The following SMCHD1 variants were observed in gnomAD, a reference collection of about 807,000 sequenced individuals.
SMCHD1 encodes the protein structural maintenance of chromosomes flexible hinge domain containing 1, also known as structural maintenance of chromosomes flexible hinge domain-containing protein 1.
A neutral mutation model predicts 254.7 loss-of-function variants in SMCHD1; 78 were observed. That is an observed-to-expected ratio of 0.31 (90% CI 0.26 to 0.37). The LOEUF (loss-of-function observed/expected upper bound fraction) is 0.37. Ranked by LOEUF, SMCHD1 falls within the 10% of genes least tolerant of loss-of-function variation. The pLI is 1.00. For synonymous variants in SMCHD1, 766 were observed against 794.9 expected, an observed-to-expected ratio of 0.96 and a Z score of 0.61; for missense variants, 1,840 against 2,408.1, an observed-to-expected ratio of 0.76 and a Z score of 4.94.
At chr18:2,740,919 T>C in intron 28 of SMCHD1, 98 bp downstream of exon 28, 1 of 679,716 alleles carries the variant, frequency 1.5e-6, no homozygotes, top group East Asian at 2.8e-5. Context: ...AAGTTTGATT[T>C]TAGTTTTTAA....
chr18:2,802,781 C>T lies in SMCHD1; in HGVS notation c.*229C>T. 1 of 416,604 alleles carries T rather than the reference C, an allele frequency of 2.4e-6. No individual in the cohort carries two copies. Among genetic ancestry groups the T allele is most frequent in the Non-Finnish European group, 4.3e-6 (1 of 233,640 alleles). The allele number at this position is 416,604 out of a possible 1,614,324, so 25.8% of individuals were successfully genotyped here. A position where few individuals can be genotyped will look rare whatever the true frequency, so the allele number is the denominator to read the frequency against. ...TACTGGAATTATTCCAGACATTATG[C>T]CCTTTGGTTGTCACTACCTTGCAAA... is the stretch of plus-strand genomic sequence containing the variant. On this transcript the variant is annotated 3_prime_UTR_variant, in exon 48 of 48. Transcript: ENST00000320876.
intron 1 of SMCHD1, among the ~76,000 whole-genome samples, chr18:2,656,902 G>A (rs2073083791): frequency 6.6e-6 from 1 of 152,196 alleles, no homozygotes; most frequent in South Asian, 2.1e-4. Flanking sequence ...TCCAAACCAA[G>A]TCAAAGGTTG....
intron 17 of SMCHD1, among the ~76,000 whole-genome samples, chr18:2,714,256 GTTGA>G (rs1455189201): frequency 6.6e-6 from 1 of 151,914 alleles, no homozygotes; most frequent in African/African-American, 2.4e-5. Flanking sequence ...TTTAACTGTT[GTTGA>G]TTTATAGTCT....
chr18:2,694,358 G>A (rs1402877341), intron 7 of SMCHD1, among the ~76,000 whole-genome samples, 169 bp from the exon 8 acceptor site: 1 of 152,202 alleles, frequency 6.6e-6, no homozygotes, highest in Non-Finnish European at 1.5e-5. Context: ...TCTTCACAGT[G>A]TTGTCACATA....
intron 44 of SMCHD1, 38 bp downstream of exon 44, chr18:2,778,277 G>C: frequency 7.2e-7 from 1 of 1,390,358 alleles, no homozygotes; most frequent in South Asian, 1.2e-5. Flanking sequence ...GTAGACTTCA[G>C]TTTTAATGTG....
At chr18:2,708,866 TCATATATATATATA>T (rs1455054706) in intron 17 of SMCHD1, among the ~76,000 whole-genome samples, 2 of 18,106 alleles carry the variant, frequency 1.1e-4, no homozygotes, top group African/African-American at 5.5e-4. Flanking sequence ...TTCAATAACT[TCATATATATATATA>T]TATATATATA....
intron 1 of SMCHD1, among the ~76,000 whole-genome samples, chr18:2,656,989 A>G (rs1348204142): frequency 6.6e-6 from 1 of 152,188 alleles, no homozygotes; most frequent in Non-Finnish European, 1.5e-5. Context: ...CGTGGAGGGA[A>G]ATCCGCTTTA....
rs1228415644 is a variant in SMCHD1, at chr18:2,656,092, G to T, written c.17G>T (p.Gly6Val). 5 of 1,406,240 alleles carry T rather than the reference G, an allele frequency of 3.6e-6. No homozygotes were observed. Among genetic ancestry groups the T allele is most frequent in the Non-Finnish European group, 4.6e-6 (5 of 1,077,816 alleles). 87.1% of individuals were successfully genotyped at this position (1,406,240 alleles called of 1,614,324 possible). A position where few individuals can be genotyped will look rare whatever the true frequency, so the allele number is the denominator to read the frequency against. Reference sequence around the variant, plus strand: ...TTCCCCAATATGGCAGCGGCGGACGGCGGCGGGCCTGGTGGGGCCTCTGTG... The same window carrying T: ...TTCCCCAATATGGCAGCGGCGGACGTCGGCGGGCCTGGTGGGGCCTCTGTG... MAAADGGGPGGASVGT... is the reference protein window; with the variant it reads MAAADVGGPGGASVGT... The change falls in exon 1 of 48, where the codon GGC becomes GTC. Residue 6 changes from glycine (G) to valine (V), a missense_variant. Transcript: ENST00000320876.
In SMCHD1 at chr18:2,765,997, T is replaced by G. The variant is rs148330517; in HGVS notation, c.4719+2208T>G. On this transcript the variant is annotated intron_variant, in intron 37 of 47. Coordinates refer to ENST00000320876, the MANE Select transcript of SMCHD1 (RefSeq NM_015295.3). ...TGTTTTCCTGTTTAGCTATGTCCAG[T>G]TTTCTTTTTTTTTGGAGACAGAGTC... 6.0e-3 allele frequency among the ~76,000 whole-genome samples: 663 copies of G among 110,616 alleles called. 8 individuals carry two copies. The highest frequency in any genetic ancestry group is 0.019 in the African/African-American group (647 of 34,490). 72.6% of individuals were successfully genotyped at this position (110,616 alleles called of 152,430 possible). A position where few individuals can be genotyped will look rare whatever the true frequency, so the allele number is the denominator to read the frequency against.
In SMCHD1 at chr18:2,728,581, G is replaced by T; in HGVS notation, c.2898G>T (p.Leu966Phe). 6.2e-7 allele frequency: 1 copy of T among 1,612,172 alleles called. No homozygotes were observed. Among genetic ancestry groups the T allele is most frequent in the Non-Finnish European group, 8.5e-7 (1 of 1,179,158 alleles). Residue 966 changes from leucine to phenylalanine, a missense_variant, in exon 23 of 48, where the codon TTG becomes TTT. Physicochemically the swap from Leu to Phe is conservative, Grantham distance 22. This residue lies in a region of SMCHD1 where 881 missense variants were observed against 1,009.5 expected (regional missense o/e 0.87). Coordinates refer to ENST00000320876, the MANE Select transcript of SMCHD1 (RefSeq NM_015295.3). Reference protein sequence around the residue: ...ESDNITAQPKLIVHCKFSGAP... With the variant: ...ESDNITAQPKFIVHCKFSGAP... ...ACAACATAACAGCACAACCAAAATT[G>T]ATTGTTCATTGTAAGGTAAGCTTAT...
intron 5 of SMCHD1, among the ~76,000 whole-genome samples, chr18:2,687,823 T>C (rs2074086426): frequency 2.0e-5 from 3 of 152,194 alleles, no homozygotes; most frequent in South Asian, 2.1e-4. Flanking sequence ...CTTTAATCTT[T>C]CCATTGAGTT....
At chr18:2,671,595 C>CTTTTTTTTTTTTTTT (rs760647745) in intron 3 of SMCHD1, among the ~76,000 whole-genome samples, 1 of 119,604 alleles carries the variant, frequency 8.4e-6, no homozygotes, top group African/African-American at 3.3e-5. Flanking sequence ...CTTTTCTTTT[C>CTTTTTTTTTTTTTTT]TTTTTTTTTT....
At chr18:2,775,377 C>T (rs2076050844) in intron 41 of SMCHD1, among the ~76,000 whole-genome samples, 2 of 151,536 alleles carry the variant, frequency 1.3e-5, no homozygotes, top group Non-Finnish European at 2.9e-5. Flanking sequence ...GATATTCTAC[C>T]AATAAGACAG....
intron 5 of SMCHD1, among the ~76,000 whole-genome samples, chr18:2,680,287 A>C (rs983912425): frequency 6.7e-6 from 1 of 148,620 alleles, no homozygotes. Flanking sequence ...TAATGTAGCA[A>C]CTCTGGAAAT....
At chr18:2,694,156 A>G (rs1310576543) in intron 7 of SMCHD1, among the ~76,000 whole-genome samples, 1 of 152,186 alleles carries the variant, frequency 6.6e-6, no homozygotes, top group Non-Finnish European at 1.5e-5. Flanking sequence ...GGTCCTGACC[A>G]AGTTAAGTGG....
At chr18:2,666,674 C>G (rs1363530017) in intron 2 of SMCHD1, among the ~76,000 whole-genome samples, 196 bp from the exon 3 acceptor site, 1 of 152,158 alleles carries the variant, frequency 6.6e-6, no homozygotes, top group African/African-American at 2.4e-5. Flanking sequence ...TTGAGTGTTT[C>G]AAATGAATGG....
intron 33 of SMCHD1, 69 bp from the exon 34 acceptor site, chr18:2,752,419 C>A: frequency 1.0e-6 from 1 of 978,648 alleles, no homozygotes; most frequent in Non-Finnish European, 1.6e-6. Context: ...AATAAGCTTT[C>A]CTCCTAAGTA....
intron 1 of SMCHD1, among the ~76,000 whole-genome samples, chr18:2,658,828 G>T (rs1451243376): frequency 6.6e-4 from 100 of 150,834 alleles, no homozygotes; most frequent in Non-Finnish European, 2.7e-4. Flanking sequence ...ATATATATGT[G>T]TGTGTGTATA....
Position 2,656,236 on chromosome 18 carries a change from C to T in SMCHD1, c.161C>T (p.Ala54Val), listed in dbSNP as rs758944515. 1.2e-5 allele frequency: 18 copies of T among 1,501,520 alleles called. No individual in the cohort carries two copies. In the South Asian group the frequency reaches 1.7e-4, roughly 14 times the overall value. 93.0% of individuals were successfully genotyped at this position (1,501,520 alleles called of 1,614,324 possible). ...CAGGTCGGGGAGCGCTCGGACTACG[C>T]GGGATTTCGCGCGTGTGTGTGTCAG... ...PLQVGERSDY[A>V]GFRACVCQTL... The change falls in exon 1 of 48, where the codon GCG becomes GTG. Residue 54 changes from alanine (A) to valine (V), a missense_variant. This residue lies in a region of SMCHD1 where 115 missense variants were observed against 99.1 expected (regional missense o/e 1.16). Coordinates refer to ENST00000320876, the MANE Select transcript of SMCHD1 (RefSeq NM_015295.3).
Sources: gnomAD v4.1 joint callset for allele counts (sites outside exome capture counted in the v4.1 genomes callset) on GRCh38, gnomAD v4.1.1 for gene constraint, gnomAD v4.1.1 regional missense constraint, MANE v1.5 for transcripts, NCBI Gene and HGNC (gene_info 2026-07-23, HGNC 2026-07-21) for gene names.